Variants in ABCG4 observed in about 807,000 individuals in gnomAD.
ABCG4 encodes ATP-binding cassette sub-family G member 4.
A neutral mutation model predicts 64.6 loss-of-function variants in ABCG4; 35 were observed. The ratio of observed to expected loss-of-function variants is 0.54; its 90% CI spans 0.41 to 0.72. The LOEUF (loss-of-function observed/expected upper bound fraction) is 0.72, where lower values mean the gene tolerates loss of function less well. Ranked by LOEUF, ABCG4 falls within the 30% of genes least tolerant of loss-of-function variation. The pLI is 0.00. For synonymous variants in ABCG4, 326 were observed against 348.2 expected, an observed-to-expected ratio of 0.94 and a Z score of 0.71; for missense variants, 610 against 846.3, an observed-to-expected ratio of 0.72 and a Z score of 3.46.
In ABCG4 at chr11:119,158,108, T is replaced by C; in HGVS notation, c.1069-126T>C. 1 of 728,956 alleles carries C rather than the reference T, an allele frequency of 1.4e-6. No homozygotes were observed. The highest frequency in any genetic ancestry group is 2.3e-6 in the Non-Finnish European group (1 of 434,446). 45.2% of individuals were successfully genotyped at this position (728,956 alleles called of 1,614,324 possible). A position where few individuals can be genotyped will look rare whatever the true frequency, so the allele number is the denominator to read the frequency against. ...AGGTACACAACTTAATGGTACAAGA[T>C]TCTCTGTAGACCTGGAGGACCCCTA... On this transcript the variant is annotated intron_variant, in intron 9 of 14. Transcript: ENST00000619701. The surrounding 1 kb of genome is among the most constrained non-coding windows in gnomAD (Gnocchi z 4.5).
Position 119,160,897 on chromosome 11 carries a change from G to A in ABCG4, c.1732G>A (p.Val578Met), listed in dbSNP as rs773823706. The change falls in exon 15 of 15, where the codon GTG (valine) becomes ATG (methionine). Residue 578 changes from valine (V) to methionine (M), a missense_variant. Coordinates refer to ENST00000619701, the MANE Select transcript of ABCG4 (RefSeq NM_022169.5). The surrounding 1 kb of genome is among the most constrained non-coding windows in gnomAD (Gnocchi z 4.6). ...LSYVRYGFEG[V>M]ILTIYGMERG... The stretch of plus-strand genomic sequence containing the variant: ...CCTGCCTAGGTATGGCTTTGAGGGT[G>A]TGATCCTGACGATCTATGGCATGGA... The A allele has an allele frequency of 1.1e-5, 18 of 1,613,978 alleles. No homozygotes were observed. The highest frequency in any genetic ancestry group is 1.5e-5 in the Non-Finnish European group (18 of 1,179,912).
intron 2 of ABCG4, chr11:119,152,938 GA>G (rs1301030441): frequency 1.3e-5 from 2 of 151,886 alleles, no homozygotes; most frequent in South Asian, 2.1e-4. Flanking sequence ...TTTCTTCATA[GA>G]TTTTTTTTGT....
In ABCG4 at chr11:119,160,223, C is replaced by T. The variant is rs928715107; in HGVS notation, c.1438-4C>T. 8 of 1,606,190 alleles carry T rather than the reference C, an allele frequency of 5.0e-6. No homozygotes were observed. In the African/African-American group the frequency reaches 6.7e-5, roughly 13 times the overall value. The stretch of plus-strand genomic sequence containing the variant: ...CCACTGTCCAGCCCGTGCCCACTCC[C>T]CAGGTGGTGTGTCCGGTGGTCTACT... On this transcript the variant is annotated splice_polypyrimidine_tract_variant and splice_region_variant and intron_variant, in intron 12 of 14. Coordinates refer to ENST00000619701, the MANE Select transcript of ABCG4 (RefSeq NM_022169.5). The surrounding 1 kb of genome is among the most constrained non-coding windows in gnomAD (Gnocchi z 4.6).
At chr11:119,152,509 T>C (rs1335190708) in intron 2 of ABCG4, among the ~76,000 whole-genome samples, 5 of 152,106 alleles carry the variant, frequency 3.3e-5, no homozygotes, top group Non-Finnish European at 4.4e-5. Flanking sequence ...GGACTTGGGC[T>C]CTGTGGGGGT....
At chr11:119,153,992 G>C in intron 2 of ABCG4, 34 bp from the exon 3 acceptor site, 3 of 1,594,318 alleles carry the variant, frequency 1.9e-6, no homozygotes, top group Non-Finnish European at 2.6e-6. Flanking sequence ...GTTCACTGCA[G>C]CCTGACTAAA....
Position 119,157,726 on chromosome 11 carries a change from C to T in ABCG4, c.1069-508C>T, listed in dbSNP as rs1254349643. 2.8e-5 allele frequency among the ~76,000 whole-genome samples: 4 copies of T among 141,054 alleles called. No homozygotes were observed. In the South Asian group the frequency reaches 7.5e-4, roughly 26 times the overall value. The allele number at this position is 141,054 out of a possible 152,430, so 92.5% of individuals were successfully genotyped here. The stretch of plus-strand genomic sequence containing the variant: ...ACTAAAAATACAAAAATTAGCCGGG[C>T]GTGGTGGCGGGCGCCTGTAGTCCCA... On this transcript the variant is annotated intron_variant, in intron 9 of 14. Coordinates refer to ENST00000619701, the MANE Select transcript of ABCG4 (RefSeq NM_022169.5).
In ABCG4 at chr11:119,160,517, G is replaced by GGGGGCT; in HGVS notation, c.1597-21_1597-20insGGGGCT. 6.3e-7 allele frequency: 1 copy of GGGGGCT among 1,577,506 alleles called. No homozygotes were observed. The highest frequency in any genetic ancestry group is 8.7e-7 in the Non-Finnish European group (1 of 1,150,928). On this transcript the variant is annotated intron_variant, in intron 13 of 14. Coordinates refer to ENST00000619701, the MANE Select transcript of ABCG4 (RefSeq NM_022169.5). The surrounding 1 kb of genome is among the most constrained non-coding windows in gnomAD (Gnocchi z 4.6). ...TCCTGGTCACCCCTATGATGGCCTG[G>GGGGGCT]CCCCCTCCCTTCCCCTCTAGGTGGC...
Position 119,150,534 on chromosome 11 carries a change from T to C in ABCG4, c.238+331T>C, listed in dbSNP as rs1948182758. On this transcript the variant is annotated intron_variant, in intron 2 of 14. Transcript: ENST00000619701. This position sits in a 1 kb window ranked among gnomAD's most constrained non-coding sequence, Gnocchi z 4.3. ...GAGGATTCCTACCTGTGAGGGCTGG[T>C]ATGAAAAAGTAGGGGGCTGTGTCTG... 1.3e-5 allele frequency among the ~76,000 whole-genome samples: 2 copies of C among 152,092 alleles called. No individual in the cohort carries two copies. Among genetic ancestry groups the C allele is most frequent in the Non-Finnish European group, 2.9e-5 (2 of 67,992 alleles).
At position 119,154,299 on chromosome 11, in the gene ABCG4, G is replaced by T. The variant is rs778862594; in HGVS notation, c.396G>T (p.Arg132Ser). 9 of 1,614,164 alleles carry T rather than the reference G, an allele frequency of 5.6e-6. No homozygotes were observed. In the South Asian group the frequency reaches 8.8e-5, roughly 16 times the overall value. The part of the protein sequence containing the change: ...GMKGQILVNG[R>S]PRELRTFRKM... ...AGGGGCAGATCCTGGTTAATGGAAG[G>T]CCACGGGAGCTGAGGACCTTCCGCA... The change falls in exon 4 of 15, where the codon AGG (arginine) becomes AGT (serine). Residue 132 changes from arginine to serine, a missense_variant. Arg to Ser is a moderately radical substitution (Grantham distance 110). Transcript: ENST00000619701. This position sits in a 1 kb window ranked among gnomAD's most constrained non-coding sequence, Gnocchi z 7.0.
In ABCG4 at chr11:119,154,594, CA is replaced by C. The variant is rs1226352069; in HGVS notation, c.540+20del. The stretch of plus-strand genomic sequence containing the variant: ...GGAGCTGGTGAGTGGGGAAGGGAGG[CA>C]GTGGGACCACTCCCTTTTGTGGTGC... On this transcript the variant is annotated intron_variant, in intron 5 of 14. Coordinates refer to ENST00000619701, the MANE Select transcript of ABCG4 (RefSeq NM_022169.5). This position sits in a 1 kb window ranked among gnomAD's most constrained non-coding sequence, Gnocchi z 7.0. 2 of 1,611,096 alleles carry C rather than the reference CA, an allele frequency of 1.2e-6. No homozygotes were observed. Among genetic ancestry groups the C allele is most frequent in the African/African-American group, 2.7e-5 (2 of 74,698 alleles).
chr11:119,152,427 CG>C (rs1948205436), intron 2 of ABCG4, among the ~76,000 whole-genome samples: 1 of 152,166 alleles, frequency 6.6e-6, no homozygotes, highest in African/African-American at 2.4e-5. Context: ...TCCTGGGTGT[CG>C]TGGAGGGAGG....
chr11:119,153,708 A>G, intron 2 of ABCG4: 1 of 286,514 alleles, frequency 3.5e-6, no homozygotes, highest in Non-Finnish European at 6.7e-6. Context: ...GGCCACTGTG[A>G]TTACAGAAGA....
chr11:119,153,051 C>A (rs879582019), intron 2 of ABCG4: 1 of 152,170 alleles, frequency 6.6e-6, no homozygotes, highest in Admixed American at 6.6e-5. Context: ...TAGTAGATAT[C>A]AATAAGCATT....
Position 119,150,163 on chromosome 11 carries a change from G to C in ABCG4, c.198G>C (p.Leu66=). ...CCGTGGACATCGAGTTCGTGGAGCT[G>C]TCCTATTCCGTGCGGGAGGGGCCCT... ...RSAVDIEFVE[L]SYSVREGPCW... The change falls in exon 2 of 15, where the codon CTG becomes CTC. Residue 66 remains leucine, a synonymous_variant. Coordinates refer to ENST00000619701, the MANE Select transcript of ABCG4 (RefSeq NM_022169.5). The surrounding 1 kb of genome is among the most constrained non-coding windows in gnomAD (Gnocchi z 4.3). 6.2e-7 allele frequency: 1 copy of C among 1,614,158 alleles called. No individual in the cohort carries two copies. Among genetic ancestry groups the C allele is most frequent in the Non-Finnish European group, 8.5e-7 (1 of 1,180,012 alleles).
rs1241633965 is a variant in ABCG4 at position 119,158,204 on chromosome 11, C to T, written c.1069-30C>T. 6.5e-7 allele frequency: 1 copy of T among 1,547,200 alleles called. No homozygotes were observed. Among genetic ancestry groups the T allele is most frequent in the Admixed American group, 1.8e-5 (1 of 56,164 alleles). ...TCTGTGGGTGAATGGGGTAGGCTCA[C>T]CTGATCCCGATCCAATTTCTTCTTC... On this transcript the variant is annotated intron_variant, in intron 9 of 14. Transcript: ENST00000619701. This position sits in a 1 kb window ranked among gnomAD's most constrained non-coding sequence, Gnocchi z 4.5.
Position 119,156,328 on chromosome 11 carries a change from G to T in ABCG4, c.687-1G>T. The T allele has an allele frequency of 6.2e-7, 1 of 1,614,232 alleles. No homozygotes were observed. The highest frequency in any genetic ancestry group is 1.1e-5 in the South Asian group (1 of 91,088). On this transcript the variant is annotated splice_acceptor_variant, in intron 6 of 14. Transcript: ENST00000619701. LOFTEE classifies it high-confidence loss of function. This position sits in a 1 kb window ranked among gnomAD's most constrained non-coding sequence, Gnocchi z 5.5. ...CCCCCTGGTGGCCTCTCTCTGGACA[G>T]TGGTCTGGATAGCGCCTCTTGTTTC...
intron 9 of ABCG4, 85 bp downstream of exon 9, chr11:119,157,099 TC>T: frequency 6.6e-7 from 1 of 1,507,444 alleles, no homozygotes; most frequent in Non-Finnish European, 8.9e-7. Context: ...AAGAGGCTGT[TC>T]CCCAGAGGCA....
Position 119,154,545 on chromosome 11 carries a change from G to C in ABCG4, c.510G>C (p.Leu170=), listed in dbSNP as rs773637609. The C allele has an allele frequency of 2.5e-6, 4 of 1,613,682 alleles. No homozygotes were observed. The highest frequency in any genetic ancestry group is 3.4e-6 in the Non-Finnish European group (4 of 1,179,930). ...CCCAGGTCTCTGCTAACCTGAAGCT[G>C]AGTGAGAAGCAGGAGGTGAAGAAGG... The part of the protein sequence containing the change: ...EAMMVSANLK[L]SEKQEVKKEL... The change falls in exon 5 of 15, where the codon CTG becomes CTC. Residue 170 remains leucine, a synonymous_variant. Coordinates refer to ENST00000619701, the MANE Select transcript of ABCG4 (RefSeq NM_022169.5). This position sits in a 1 kb window ranked among gnomAD's most constrained non-coding sequence, Gnocchi z 7.0.
chr11:119,153,824 T>A lies in ABCG4; in HGVS notation c.239-202T>A, dbSNP rs1273427495. 1.2e-5 allele frequency: 7 copies of A among 588,116 alleles called. No individual in the cohort carries two copies. In the Admixed American group the frequency reaches 1.8e-4, roughly 15 times the overall value. The allele number at this position is 588,116 out of a possible 1,614,324, so 36.4% of individuals were successfully genotyped here. A position where few individuals can be genotyped will look rare whatever the true frequency, so the allele number is the denominator to read the frequency against. ...AGGATTGTTGCCTCTGGTACTTTGA[T>A]ATTAGTGGTGGTCGTTTCTAGGGGG... On this transcript the variant is annotated intron_variant, in intron 2 of 14. Transcript: ENST00000619701.
Sources: gnomAD v4.1 joint callset for allele counts (sites outside exome capture counted in the v4.1 genomes callset) on GRCh38, gnomAD v4.1.1 for gene constraint, Gnocchi (gnomAD v3.1) non-coding constraint, MANE v1.5 for transcripts, NCBI Gene and HGNC (gene_info 2026-07-23, HGNC 2026-07-21) for gene names.